Variants in RNF150 observed in about 807,000 individuals in gnomAD.
RNF150 encodes ring finger protein 150.
Under a neutral mutation model 39.3 loss-of-function variants are expected in RNF150, and 24 were observed. The ratio of observed to expected loss-of-function variants is 0.61; its 90% CI spans 0.44 to 0.86. The LOEUF (loss-of-function observed/expected upper bound fraction) is 0.86. Ranked by LOEUF, RNF150 falls within the 40% of genes least tolerant of loss-of-function variation. The pLI is 0.00. For synonymous variants in RNF150, 255 were observed against 227.3 expected (o/e 1.12, Z -1.10); for missense variants, 502 against 587.8 (o/e 0.85, Z 1.51).
intron 4 of RNF150, among the ~76,000 whole-genome samples, chr4:140,945,844 C>T (rs948537532): frequency 1.3e-5 from 2 of 151,412 alleles, no homozygotes; most frequent in African/African-American, 2.4e-5. Context: ...TAGTAGTAAT[C>T]GCATAGGGCT....
chr4:141,186,364 A>G (rs1383488479), intron 1 of RNF150, among the ~76,000 whole-genome samples: 2 of 151,934 alleles, frequency 1.3e-5, no homozygotes, highest in Non-Finnish European at 2.9e-5. Context: ...TTTGTGTGGG[A>G]TCTGTGGTGA....
upstream of RNF150, among the ~76,000 whole-genome samples, chr4:141,134,768 A>G (rs1452613678): frequency 1.3e-5 from 2 of 152,214 alleles, no homozygotes; most frequent in Non-Finnish European, 2.9e-5. Flanking sequence ...CTTACTGCCA[A>G]GGAGGCAAAA....
At chr4:141,180,860 A>T (rs1578783952) in intron 1 of RNF150, among the ~76,000 whole-genome samples, 1 of 152,240 alleles carries the variant, frequency 6.6e-6, no homozygotes, top group East Asian at 1.9e-4. Flanking sequence ...CAATTCCTAG[A>T]GTAATAAATG....
At chr4:140,952,576 G>C (rs955405063) in intron 2 of RNF150, among the ~76,000 whole-genome samples, 20 of 152,158 alleles carry the variant, frequency 1.3e-4, no homozygotes, top group African/African-American at 4.6e-4. Context: ...AATAATGAAG[G>C]CTGCCTTTAT....
chr4:141,178,227 A>G (rs1727848380), intron 1 of RNF150, among the ~76,000 whole-genome samples: 1 of 152,002 alleles, frequency 6.6e-6, no homozygotes, highest in South Asian at 2.1e-4. Flanking sequence ...TTGCACCCTC[A>G]GAGTATGTGT....
At chr4:141,149,914 T>C (rs2111138801) in intron 1 of RNF150, among the ~76,000 whole-genome samples, 1 of 152,334 alleles carries the variant, frequency 6.6e-6, no homozygotes, top group South Asian at 2.1e-4. Flanking sequence ...AAATTTATTT[T>C]ATTATGGCCA....
intron 1 of RNF150, among the ~76,000 whole-genome samples, chr4:141,116,909 C>T (rs1739566124): frequency 6.6e-6 from 1 of 151,816 alleles, no homozygotes; most frequent in Non-Finnish European, 1.5e-5. Flanking sequence ...CCAAACATCG[C>T]ATGTTCTTAC....
At position 141,177,420 on chromosome 4, in the gene RNF150, ATC is replaced by A. The variant is rs150258107; in HGVS notation, c.-6+35372_-6+35373del. Among the ~76,000 whole-genome samples, 9 of 151,692 alleles carry A rather than the reference ATC, an allele frequency of 5.9e-5. No homozygotes were observed. In the East Asian group the frequency reaches 1.7e-3, roughly 29 times the overall value. ...ATTGGTGTAGAATGTAAATTTGATT[ATC>A]TCTCTCTCTCTCAACATTTTAGATA... On this transcript the variant is annotated intron_variant, in intron 1 of 7. Transcript: ENST00000420921.
chr4:141,028,193 T>C (rs1735794782), intron 1 of RNF150, among the ~76,000 whole-genome samples: 2 of 152,164 alleles, frequency 1.3e-5, no homozygotes, highest in African/African-American at 4.8e-5. Flanking sequence ...CATTCAAATG[T>C]TACTGATGTC....
At chr4:140,995,866 C>T (rs760555620) in intron 1 of RNF150, among the ~76,000 whole-genome samples, 3 of 151,958 alleles carry the variant, frequency 2.0e-5, no homozygotes, top group Non-Finnish European at 2.9e-5. Flanking sequence ...TTTTCTTTGT[C>T]CATTTGTTTG....
At chr4:141,128,094 G>T (rs911698392) in intron 1 of RNF150, among the ~76,000 whole-genome samples, 3 of 152,142 alleles carry the variant, frequency 2.0e-5, no homozygotes, top group Non-Finnish European at 4.4e-5. Context: ...GTATGAAAGG[G>T]TAAATAAGGA....
intron 4 of RNF150, among the ~76,000 whole-genome samples, chr4:140,927,073 T>TCAAAAA (rs1731428227): frequency 6.6e-6 from 1 of 152,222 alleles, no homozygotes; most frequent in Non-Finnish European, 1.5e-5. Context: ...AAACCTCATT[T>TCAAAAA]GCCTTGTGTT....
intron 1 of RNF150, among the ~76,000 whole-genome samples, chr4:141,109,294 T>C (rs913014156): frequency 1.3e-5 from 2 of 152,094 alleles, no homozygotes; most frequent in Non-Finnish European, 1.5e-5. Context: ...CTAGCTAGTA[T>C]TCTGAAGCCA....
chr4:140,947,404 T>C (rs1732360356), intron 4 of RNF150, among the ~76,000 whole-genome samples: 1 of 152,210 alleles, frequency 6.6e-6, no homozygotes, highest in Non-Finnish European at 1.5e-5. Context: ...CATGAAGTCC[T>C]AGTTCATAGC....
At chr4:141,051,056 T>TG (rs950043073) in intron 1 of RNF150, among the ~76,000 whole-genome samples, 1 of 152,196 alleles carries the variant, frequency 6.6e-6, no homozygotes, top group African/African-American at 2.4e-5. Context: ...TCTTGACTTC[T>TG]GTGCACCCAC....
Position 141,132,332 on chromosome 4 carries a change from G to T in RNF150, c.477C>A (p.Pro159=). 6.3e-7 allele frequency: 1 copy of T among 1,577,416 alleles called. No individual in the cohort carries two copies. Among genetic ancestry groups the T allele is most frequent in the South Asian group, 1.2e-5 (1 of 86,046 alleles). Residue 159 remains proline, a synonymous_variant, in exon 1 of 7, where the codon CCC becomes CCA. Transcript: ENST00000515673. The surrounding 1 kb of genome is among the most constrained non-coding windows in gnomAD (Gnocchi z 4.9). ...GSNTNETITM[P]HAGVEDIVAI... is the part of the protein sequence containing the mutation. ...GCCCGCTGGGCCACTCACCCGCGTG[G>T]GGCATGGTGATGGTCTCGTTGGTGT...
intron 1 of RNF150, among the ~76,000 whole-genome samples, chr4:141,045,534 T>C (rs1193826107): frequency 2.6e-5 from 4 of 151,986 alleles, no homozygotes; most frequent in Non-Finnish European, 5.9e-5. Flanking sequence ...TTTTTATTTT[T>C]ATTTTTTATT....
chr4:141,129,123 A>G (rs1726830172), intron 1 of RNF150, among the ~76,000 whole-genome samples: 1 of 152,342 alleles, frequency 6.6e-6, no homozygotes, highest in Non-Finnish European at 1.5e-5. Context: ...TCCTAGGTAT[A>G]TAATCAAGAG....
chr4:140,865,923 T>G lies in RNF150; in HGVS notation c.*2338A>C, dbSNP rs935807479. On this transcript the variant is annotated 3_prime_UTR_variant, in exon 7 of 7. Transcript: ENST00000515673. Reference sequence around the variant, plus strand: ...TCCACTGGACTAAACTTAATACCAGTAATACTAAAATTTGTTTTGGGCAAA... The same window carrying G: ...TCCACTGGACTAAACTTAATACCAGGAATACTAAAATTTGTTTTGGGCAAA... 6.6e-6 allele frequency: 1 copy of G among 152,238 alleles called. No individual in the cohort carries two copies. The highest frequency in any genetic ancestry group is 2.4e-5 in the African/African-American group (1 of 41,456). 9.4% of individuals were successfully genotyped at this position (152,238 alleles called of 1,614,324 possible).
Sources: allele counts gnomAD v4.1 joint callset (sites outside exome capture counted in the v4.1 genomes callset), GRCh38; gene constraint gnomAD v4.1.1; non-coding constraint Gnocchi (gnomAD v3.1); transcripts MANE v1.5; gene names NCBI Gene and HGNC (gene_info 2026-07-23, HGNC 2026-07-21).